Variants in CUL3 observed in about 807,000 individuals in gnomAD.
The protein encoded by CUL3 is cullin 3.
CUL3 carries 19 observed loss-of-function variants against 89.1 expected under a neutral mutation model. That is an observed-to-expected ratio of 0.21 (90% CI 0.15 to 0.31). CUL3 has a LOEUF of 0.31. Among genes scored for constraint, CUL3 ranks in the 10% least tolerant of loss-of-function variants. CUL3 has a pLI of 1.00. For missense variants in CUL3, 469 were observed against 942.3 expected, an observed-to-expected ratio of 0.50 and a Z score of 6.58; for synonymous variants, 351 against 308.4, an observed-to-expected ratio of 1.14 and a Z score of -1.45.
chr2:224,471,951 T>C lies in CUL3; in HGVS notation c.*2294A>G, dbSNP rs2106127545. Reference sequence around the variant, plus strand: ...TGCATTTTTCTTTCAAATTAAAGCATTAAAAACTGAGAAAAAATAGCATCT... The same window carrying C: ...TGCATTTTTCTTTCAAATTAAAGCACTAAAAACTGAGAAAAAATAGCATCT... On this transcript the variant is annotated 3_prime_UTR_variant, in exon 16 of 16. Coordinates refer to ENST00000264414, the MANE Select transcript of CUL3 (RefSeq NM_003590.5). 1 of 231,174 alleles carries C rather than the reference T, an allele frequency of 4.3e-6. No individual in the cohort carries two copies. Among genetic ancestry groups the C allele is most frequent in the South Asian group, 1.8e-4 (1 of 5,510 alleles). The allele number at this position is 231,174 out of a possible 1,614,324, so 14.3% of individuals were successfully genotyped here. A position where few individuals can be genotyped will look rare whatever the true frequency, so the allele number is the denominator to read the frequency against.
intron 3 of CUL3, among the ~76,000 whole-genome samples, chr2:224,516,970 C>T (rs1198732580): frequency 6.6e-6 from 1 of 152,118 alleles, no homozygotes; most frequent in Non-Finnish European, 1.5e-5. Flanking sequence ...ACATGACCTC[C>T]AGGCCCAACC....
At chr2:224,568,616 C>T (rs571119081) in intron 1 of CUL3, among the ~76,000 whole-genome samples, 28 of 152,262 alleles carry the variant, frequency 1.8e-4, no homozygotes, top group African/African-American at 6.5e-4. Context: ...AAGTAACACA[C>T]TTTTAAATTT....
intron 1 of CUL3, among the ~76,000 whole-genome samples, chr2:224,560,013 G>A (rs1307001966): frequency 2.0e-5 from 3 of 152,170 alleles, no homozygotes; most frequent in African/African-American, 2.4e-5. Flanking sequence ...AGCCCGGGAG[G>A]TCGAGGCTGC....
intron 1 of CUL3, chr2:224,563,446 G>C: frequency 3.6e-6 from 1 of 276,496 alleles, no homozygotes; most frequent in East Asian, 1.1e-4. Flanking sequence ...AGTATACTGT[G>C]TGTGCACTTC....
chr2:224,519,394 A>G (rs879373921), intron 3 of CUL3, among the ~76,000 whole-genome samples: 1 of 152,174 alleles, frequency 6.6e-6, no homozygotes, highest in Non-Finnish European at 1.5e-5. Flanking sequence ...GACAAAATCA[A>G]CCTGAAGCTG....
intron 1 of CUL3, among the ~76,000 whole-genome samples, chr2:224,580,628 G>A (rs1695413797): frequency 6.6e-6 from 1 of 152,100 alleles, no homozygotes; most frequent in South Asian, 2.1e-4. Flanking sequence ...AGGCTGCAGT[G>A]AGCCAAGATC....
intron 3 of CUL3, among the ~76,000 whole-genome samples, chr2:224,532,077 T>C (rs769832939): frequency 3.9e-5 from 6 of 152,216 alleles, no homozygotes; most frequent in Non-Finnish European, 8.8e-5. Context: ...AACTGAATGA[T>C]AGTGATTATG....
chr2:224,488,383 T>C (rs1010551472), intron 13 of CUL3, among the ~76,000 whole-genome samples: 2 of 151,358 alleles, frequency 1.3e-5, no homozygotes, highest in Admixed American at 6.6e-5. Flanking sequence ...ACCAGACTAA[T>C]AAAGGAGAGA....
intron 11 of CUL3, 163 bp downstream of exon 11, chr2:224,500,200 T>G (rs1692325281): frequency 1.3e-5 from 9 of 717,264 alleles, no homozygotes; most frequent in Non-Finnish European, 1.8e-5. Context: ...ATCAAGATCC[T>G]ATAGAGGGGG....
At chr2:224,558,839 G>A (rs1232909984) in intron 1 of CUL3, among the ~76,000 whole-genome samples, 3 of 109,482 alleles carry the variant, frequency 2.7e-5, no homozygotes, top group African/African-American at 8.4e-5. Context: ...TCAGGAGATC[G>A]AGACCATCCT....
chr2:224,534,873 C>T (rs1230746453), intron 3 of CUL3, among the ~76,000 whole-genome samples: 2 of 151,604 alleles, frequency 1.3e-5, no homozygotes, highest in Admixed American at 6.6e-5. Context: ...TGGTGACGGG[C>T]ACCTGTAGTC....
At chr2:224,540,144 T>G (rs1159104747) in intron 2 of CUL3, among the ~76,000 whole-genome samples, 1 of 151,410 alleles carries the variant, frequency 6.6e-6, no homozygotes, top group Non-Finnish European at 1.5e-5. Flanking sequence ...GCAACCTCTG[T>G]CTCCCAGGTT....
At chr2:224,525,535 T>C (rs1412690829) in intron 3 of CUL3, among the ~76,000 whole-genome samples, 2 of 152,244 alleles carry the variant, frequency 1.3e-5, no homozygotes, top group East Asian at 3.8e-4. Flanking sequence ...GAAAAACATT[T>C]ACCTTCAAAG....
intron 10 of CUL3, 84 bp from the exon 11 acceptor site, chr2:224,500,571 C>A: frequency 7.7e-7 from 1 of 1,292,560 alleles, no homozygotes; most frequent in South Asian, 1.6e-5. Context: ...TTAGATTTAC[C>A]AAAGCAGTTA....
chr2:224,542,969 A>T (rs1354112359), intron 2 of CUL3, among the ~76,000 whole-genome samples: 1 of 152,180 alleles, frequency 6.6e-6, no homozygotes, highest in African/African-American at 2.4e-5. Context: ...GGAGAGCTGA[A>T]GGACATAATG....
intron 15 of CUL3, among the ~76,000 whole-genome samples, chr2:224,475,190 TG>T (rs1364530205): frequency 6.6e-6 from 1 of 152,116 alleles, no homozygotes; most frequent in Non-Finnish European, 1.5e-5. Context: ...GCTAATTTTT[TG>T]TACTTTTAGT....
In CUL3 at chr2:224,557,654, G is replaced by A. The variant is rs775019059; in HGVS notation, c.264+5C>T. The A allele has an allele frequency of 1.3e-6, 2 of 1,592,172 alleles. No homozygotes were observed. Among genetic ancestry groups the A allele is most frequent in the African/African-American group, 2.7e-5 (2 of 74,302 alleles). On this transcript the variant is annotated splice_donor_5th_base_variant and intron_variant, in intron 2 of 15. Coordinates refer to ENST00000264414, the MANE Select transcript of CUL3 (RefSeq NM_003590.5). ...TATTAGCAACAGTCCTTTAAAGTTT[G>A]ATACCTTATTTATGAGATGTTCGGT...
chr2:224,512,289 G>T (rs964979842), intron 5 of CUL3, among the ~76,000 whole-genome samples: 22 of 151,908 alleles, frequency 1.4e-4, no homozygotes, highest in African/African-American at 5.3e-4. Context: ...GTAGAAATGG[G>T]GTTTCACCGT....
At position 224,472,919 on chromosome 2, in the gene CUL3, T is replaced by C. The variant is rs906170434; in HGVS notation, c.*1326A>G. On this transcript the variant is annotated 3_prime_UTR_variant, in exon 16 of 16. Coordinates refer to ENST00000264414, the MANE Select transcript of CUL3 (RefSeq NM_003590.5). Reference sequence around the variant, plus strand: ...TTATTAGTAACATTTCATTTTTCTATCCAACAGAAATCTATAGTGGTTTGC... The same window carrying C: ...TTATTAGTAACATTTCATTTTTCTACCCAACAGAAATCTATAGTGGTTTGC... 2.8e-5 allele frequency: 6 copies of C among 212,260 alleles called. No individual in the cohort carries two copies. Among genetic ancestry groups the C allele is most frequent in the Admixed American group, 5.9e-5 (1 of 17,012 alleles). 13.1% of individuals were successfully genotyped at this position (212,260 alleles called of 1,614,324 possible).
Sources: gnomAD v4.1 joint callset for allele counts (sites outside exome capture counted in the v4.1 genomes callset) on GRCh38, gnomAD v4.1.1 for gene constraint, MANE v1.5 for transcripts, NCBI Gene and HGNC (gene_info 2026-07-23, HGNC 2026-07-21) for gene names.